Variants in WDR41 observed in about 807,000 individuals in gnomAD.
WDR41 encodes WD repeat domain 41.
Under a neutral mutation model 69.3 loss-of-function variants are expected in WDR41, and 63 were observed. That is an observed-to-expected ratio of 0.91 (90% CI 0.74 to 1.12). The LOEUF (loss-of-function observed/expected upper bound fraction) is 1.12, where lower values mean the gene tolerates loss of function less well. Ranked by LOEUF, WDR41 falls within the 50% of genes most tolerant of loss-of-function variation. The pLI is 0.00. For missense variants in WDR41, 543 were observed against 534.5 expected, an observed-to-expected ratio of 1.02 and a Z score of -0.16; for synonymous variants, 185 against 192.1, an observed-to-expected ratio of 0.96 and a Z score of 0.31.
chr5:77,526,254 T>C (rs1014127014), intron 1 of WDR41, among the ~76,000 whole-genome samples: 1 of 152,092 alleles, frequency 6.6e-6, no homozygotes, highest in Non-Finnish European at 1.5e-5. Flanking sequence ...ATTTCTGACA[T>C]TATGTCTACG....
intron 1 of WDR41, among the ~76,000 whole-genome samples, chr5:77,612,869 T>C (rs1285235258): frequency 1.3e-5 from 2 of 151,838 alleles, no homozygotes; most frequent in African/African-American, 2.4e-5. Context: ...TGTTTGCAGA[T>C]GACATGATTG....
chr5:77,541,214 G>C (rs904052223), intron 1 of WDR41, among the ~76,000 whole-genome samples: 1 of 152,146 alleles, frequency 6.6e-6, no homozygotes, highest in East Asian at 1.9e-4. Context: ...TCTGACAAAG[G>C]TCTAATATGC....
At chr5:77,511,807 G>A (rs1802206901) in intron 1 of WDR41, among the ~76,000 whole-genome samples, 1 of 151,632 alleles carries the variant, frequency 6.6e-6, no homozygotes, top group South Asian at 2.1e-4. Flanking sequence ...AGGCGTCCAA[G>A]ATACTAAATC....
intron 1 of WDR41, among the ~76,000 whole-genome samples, chr5:77,502,064 A>T (rs557823673): frequency 3.3e-5 from 5 of 152,274 alleles, no homozygotes; most frequent in Admixed American, 3.3e-4. Flanking sequence ...GGTAATAACA[A>T]ACTCCTCTGA....
intron 1 of WDR41, among the ~76,000 whole-genome samples, chr5:77,590,008 C>A (rs2112305737): frequency 6.6e-6 from 1 of 152,104 alleles, no homozygotes; most frequent in South Asian, 2.1e-4. Flanking sequence ...TCCTAGTTTT[C>A]TAAGAGCTTT....
chr5:77,468,244 T>C (rs1800394095), intron 2 of WDR41, among the ~76,000 whole-genome samples: 1 of 152,132 alleles, frequency 6.6e-6, no homozygotes, highest in South Asian at 2.1e-4. Flanking sequence ...CAATACTTAC[T>C]AAGCACTAAC....
At chr5:77,543,088 A>C (rs1347555869) in intron 1 of WDR41, among the ~76,000 whole-genome samples, 1 of 152,182 alleles carries the variant, frequency 6.6e-6, no homozygotes, top group Non-Finnish European at 1.5e-5. Flanking sequence ...AAGAAGCCAC[A>C]TCCTTAGGAA....
chr5:77,551,980 A>AAAAAT (rs57749416), intron 1 of WDR41, among the ~76,000 whole-genome samples: 1,270 of 93,434 alleles, frequency 0.014, 68 homozygotes, highest in South Asian at 0.028. Context: ...CTCTGTCTCA[A>AAAAAT]AAAATAAAAT....
intron 9 of WDR41, among the ~76,000 whole-genome samples, chr5:77,438,894 T>C (rs574468812): frequency 2.0e-5 from 3 of 152,338 alleles, no homozygotes; most frequent in South Asian, 4.1e-4. Flanking sequence ...CCAAATGTAC[T>C]ATTAGAAATA....
At chr5:77,452,737 G>C (rs1310844490) in intron 6 of WDR41, 1 of 152,154 alleles carries the variant, frequency 6.6e-6, no homozygotes, top group Non-Finnish European at 1.5e-5. Context: ...TTGAGACACT[G>C]ATAAATGGCA....
At position 77,459,089 on chromosome 5, in the gene WDR41, T is replaced by C. The variant is rs763209328; in HGVS notation, c.384A>G (p.Arg128=). Residue 128 remains arginine (R), a synonymous_variant, in exon 5 of 13, where the codon AGA becomes AGG. Transcript: ENST00000296679. The part of the protein sequence containing the change: ...WDGDTTRQVQ[R]ISCFQSTVKC... Reference sequence around the variant, plus strand: ...TTACAGTAGACTGGAAGCATGATATTCTCTGAACTTGTCTGGTAGTATCAC... The same window carrying C: ...TTACAGTAGACTGGAAGCATGATATCCTCTGAACTTGTCTGGTAGTATCAC... 22 of 1,602,406 alleles carry C rather than the reference T, an allele frequency of 1.4e-5. No homozygotes were observed. In the African/African-American group the frequency reaches 2.4e-4, roughly 18 times the overall value.
At chr5:77,605,198 C>T (rs1165456010) in intron 1 of WDR41, among the ~76,000 whole-genome samples, 1 of 152,170 alleles carries the variant, frequency 6.6e-6, no homozygotes, top group African/African-American at 2.4e-5. Context: ...CCTTGGGATC[C>T]TCGTCTGACC....
intron 2 of WDR41, among the ~76,000 whole-genome samples, chr5:77,474,166 T>A (rs1800770216): frequency 6.6e-6 from 1 of 152,128 alleles, no homozygotes; most frequent in African/African-American, 2.4e-5. Flanking sequence ...ACCATCATTC[T>A]CAGCAAACTA....
At chr5:77,549,995 A>G (rs923791959) in intron 1 of WDR41, among the ~76,000 whole-genome samples, 2 of 152,176 alleles carry the variant, frequency 1.3e-5, no homozygotes, top group African/African-American at 4.8e-5. Flanking sequence ...ACAATGGATA[A>G]AGGACTGTAT....
At chr5:77,590,320 C>T (rs1357635610) in intron 1 of WDR41, among the ~76,000 whole-genome samples, 1 of 152,122 alleles carries the variant, frequency 6.6e-6, no homozygotes, top group Non-Finnish European at 1.5e-5. Context: ...TCTCCTTTCA[C>T]GATAGGTTCA....
intron 1 of WDR41, among the ~76,000 whole-genome samples, chr5:77,580,933 G>A (rs948770926): frequency 6.6e-6 from 1 of 151,740 alleles, no homozygotes; most frequent in African/African-American, 2.4e-5. Context: ...TCCAGCCTGG[G>A]TGACAGAGCA....
chr5:77,539,552 CTT>C (rs1743052214), intron 1 of WDR41, among the ~76,000 whole-genome samples: 2 of 152,050 alleles, frequency 1.3e-5, no homozygotes, highest in Non-Finnish European at 2.9e-5. Context: ...AGGGTGAACA[CTT>C]TTTTATTAAA....
intron 1 of WDR41, among the ~76,000 whole-genome samples, chr5:77,521,355 C>T (rs569808996): frequency 6.6e-6 from 1 of 152,358 alleles, no homozygotes; most frequent in South Asian, 2.1e-4. Flanking sequence ...GTAATGCCGG[C>T]TCCCATGCCA....
chr5:77,561,015 A>C (rs1743513707), intron 1 of WDR41, among the ~76,000 whole-genome samples: 1 of 152,154 alleles, frequency 6.6e-6, no homozygotes. Context: ...CATATTCTTA[A>C]AATAGTCTTG....
Sources: gnomAD v4.1 joint callset for allele counts (sites outside exome capture counted in the v4.1 genomes callset) on GRCh38, gnomAD v4.1.1 for gene constraint, MANE v1.5 for transcripts, NCBI Gene and HGNC (gene_info 2026-07-23, HGNC 2026-07-21) for gene names.